GALNT17: variants seen among roughly 807,000 people sequenced by gnomAD.
GALNT17 encodes the protein polypeptide N-acetylgalactosaminyltransferase 17.
Under a neutral mutation model 63.7 loss-of-function variants are expected in GALNT17, and 29 were observed. The observed-to-expected ratio is 0.46, with a 90% confidence interval of 0.34 to 0.62. The LOEUF (loss-of-function observed/expected upper bound fraction) is 0.62. Ranked by LOEUF, GALNT17 falls within the 20% of genes least tolerant of loss-of-function variation. The pLI is 0.01. For missense variants in GALNT17, 603 were observed against 799.6 expected, an observed-to-expected ratio of 0.75 and a Z score of 2.97; for synonymous variants, 305 against 318.3, an observed-to-expected ratio of 0.96 and a Z score of 0.45.
At chr7:71,580,857 G>A (rs1324142293) in intron 6 of GALNT17, among the ~76,000 whole-genome samples, 1 of 152,190 alleles carries the variant, frequency 6.6e-6, no homozygotes, top group Non-Finnish European at 1.5e-5. Context: ...ATTTGCATGT[G>A]TGGGGATTAA....
chr7:71,158,670 G>A (rs575436340), intron 1 of GALNT17, among the ~76,000 whole-genome samples: 38 of 151,784 alleles, frequency 2.5e-4, no homozygotes, highest in Admixed American at 2.2e-3. Flanking sequence ...TCCACCTCCC[G>A]GGTTCACACC....
chr7:71,656,174 G>A (rs974276668), intron 6 of GALNT17, among the ~76,000 whole-genome samples: 2 of 152,134 alleles, frequency 1.3e-5, no homozygotes, highest in African/African-American at 2.4e-5. Context: ...TCCTCATTGA[G>A]GTAACAGCCT....
intron 1 of GALNT17, among the ~76,000 whole-genome samples, chr7:71,204,837 C>G (rs987836183): frequency 6.6e-6 from 1 of 152,116 alleles, no homozygotes; most frequent in African/African-American, 2.4e-5. Flanking sequence ...CCTCTGCCTC[C>G]TGGGTTCAAG....
At chr7:71,389,448 TTA>T (rs1435607061) in intron 3 of GALNT17, among the ~76,000 whole-genome samples, 3 of 152,104 alleles carry the variant, frequency 2.0e-5, no homozygotes, top group African/African-American at 7.2e-5. Flanking sequence ...TGCAACCTTT[TTA>T]TGAGAATCTA....
At chr7:71,618,168 G>A (rs573118893) in intron 6 of GALNT17, among the ~76,000 whole-genome samples, 1 of 152,282 alleles carries the variant, frequency 6.6e-6, no homozygotes, top group East Asian at 1.9e-4. Flanking sequence ...TTTTATGGCT[G>A]CCTAGTGTTC....
At chr7:71,513,499 C>T (rs1287675055) in intron 5 of GALNT17, among the ~76,000 whole-genome samples, 1 of 152,068 alleles carries the variant, frequency 6.6e-6, no homozygotes, top group Admixed American at 6.5e-5. Context: ...GATTCTCCTG[C>T]CTCAGCCTCC....
rs538753540 is a variant in GALNT17, at chr7:71,457,854, C to T, written c.962+36749C>T. Among the ~76,000 whole-genome samples the T allele has an allele frequency of 8.5e-5, 13 of 152,284 alleles. No individual in the cohort carries two copies. In the South Asian group the frequency reaches 2.7e-3, roughly 32 times the overall value. On this transcript the variant is annotated intron_variant, in intron 5 of 10. Transcript: ENST00000333538. ...GCCTTAACTGTCTGGGAATCCAGCC[C>T]AGTAGGTTCCAGCCTTATTTTACCC...
chr7:71,616,151 G>A (rs1320770005), intron 6 of GALNT17, among the ~76,000 whole-genome samples: 2 of 152,192 alleles, frequency 1.3e-5, no homozygotes, highest in Non-Finnish European at 2.9e-5. Context: ...TGTCAGTGGT[G>A]AAGATCAGAA....
intron 5 of GALNT17, among the ~76,000 whole-genome samples, chr7:71,501,561 G>T (rs746947214): frequency 6.6e-6 from 1 of 152,112 alleles, no homozygotes; most frequent in Non-Finnish European, 1.5e-5. Context: ...CACCATCATG[G>T]CTTCCCTCCT....
intron 9 of GALNT17, among the ~76,000 whole-genome samples, chr7:71,682,829 A>G (rs540652957): frequency 6.6e-6 from 1 of 152,070 alleles, no homozygotes; most frequent in South Asian, 2.1e-4. Flanking sequence ...CCGCCTCCCA[A>G]AGTGCTGAGG....
chr7:71,434,474 C>T (rs903257447), intron 5 of GALNT17, among the ~76,000 whole-genome samples: 1 of 152,048 alleles, frequency 6.6e-6, no homozygotes, highest in Admixed American at 6.6e-5. Context: ...AAGGAGAGTT[C>T]GTAAAGCAAT....
chr7:71,510,754 T>C (rs558973045), intron 5 of GALNT17, among the ~76,000 whole-genome samples: 4 of 152,316 alleles, frequency 2.6e-5, no homozygotes, highest in Admixed American at 2.0e-4. Flanking sequence ...GAGGCTGTTA[T>C]GAAAAGCCTG....
At chr7:71,363,708 A>C (rs1292325482) in intron 2 of GALNT17, among the ~76,000 whole-genome samples, 1 of 152,256 alleles carries the variant, frequency 6.6e-6, no homozygotes, top group Non-Finnish European at 1.5e-5. Context: ...TAATTGAGCA[A>C]AGAAGGATTC....
At chr7:71,155,470 C>T (rs952759902) in intron 1 of GALNT17, among the ~76,000 whole-genome samples, 15 of 151,540 alleles carry the variant, frequency 9.9e-5, no homozygotes, top group Non-Finnish European at 1.6e-4. Context: ...GAGAGGGTTT[C>T]GCCATGTTGC....
intron 5 of GALNT17, among the ~76,000 whole-genome samples, chr7:71,458,009 T>C (rs1170305266): frequency 2.0e-5 from 3 of 152,110 alleles, no homozygotes; most frequent in African/African-American, 7.2e-5. Flanking sequence ...CTACCACTCT[T>C]TGAAGCCACG....
intron 6 of GALNT17, among the ~76,000 whole-genome samples, chr7:71,604,821 G>C (rs907548299): frequency 6.6e-6 from 1 of 152,174 alleles, no homozygotes; most frequent in Non-Finnish European, 1.5e-5. Context: ...AATGTACCAA[G>C]TTCCTCACTG....
intron 5 of GALNT17, among the ~76,000 whole-genome samples, chr7:71,432,977 T>A (rs951534645): frequency 7.9e-5 from 12 of 152,076 alleles, no homozygotes; most frequent in Admixed American, 5.2e-4. Context: ...ACCTGGCTAA[T>A]TTTTTGTATT....
At chr7:71,314,500 G>T (rs564230504) in intron 1 of GALNT17, among the ~76,000 whole-genome samples, 1 of 152,188 alleles carries the variant, frequency 6.6e-6, no homozygotes, top group East Asian at 1.9e-4. Flanking sequence ...CACTCCAAGC[G>T]TGATGGTCAT....
intron 3 of GALNT17, among the ~76,000 whole-genome samples, chr7:71,402,345 C>T (rs1793255591): frequency 6.6e-6 from 1 of 152,204 alleles, no homozygotes; most frequent in Non-Finnish European, 1.5e-5. Flanking sequence ...ATGGTAAGAC[C>T]AATAGCTTGC....
Sources: allele counts gnomAD v4.1 joint callset (sites outside exome capture counted in the v4.1 genomes callset), GRCh38; gene constraint gnomAD v4.1.1; transcripts MANE v1.5; gene names NCBI Gene and HGNC (gene_info 2026-07-23, HGNC 2026-07-21).